Variants in IQGAP2 observed in about 807,000 individuals in gnomAD.
IQGAP2 encodes ras GTPase-activating-like protein IQGAP2.
IQGAP2 carries 173 observed loss-of-function variants against 201.3 expected under a neutral mutation model. The observed-to-expected ratio is 0.86, with a 90% CI of 0.76 to 0.98. The LOEUF is 0.98. Ranked by LOEUF, IQGAP2 falls within the 50% of genes least tolerant of loss-of-function variation. The pLI, the probability that IQGAP2 is intolerant of heterozygous loss-of-function variation, is 0.00. For missense variants in IQGAP2, 1,687 were observed against 1,864.8 expected (o/e 0.90, Z 1.76); for synonymous variants, 675 against 673.9 (o/e 1.00, Z -0.03).
intron 3 of IQGAP2, among the ~76,000 whole-genome samples, chr5:76,566,066 C>A (rs759404339): frequency 6.6e-6 from 1 of 151,944 alleles, no homozygotes; most frequent in South Asian, 2.1e-4. Flanking sequence ...AGGTATGCCA[C>A]GATAGAAATA....
chr5:76,625,364 C>T (rs953945016), intron 13 of IQGAP2, among the ~76,000 whole-genome samples: 5 of 152,124 alleles, frequency 3.3e-5, no homozygotes, highest in Admixed American at 6.5e-5. Flanking sequence ...ACTCATAGAG[C>T]TTAGTTTTTA....
At chr5:76,433,019 CA>C (rs1443073058) in intron 1 of IQGAP2, among the ~76,000 whole-genome samples, 1 of 152,130 alleles carries the variant, frequency 6.6e-6, no homozygotes, top group African/African-American at 2.4e-5. Flanking sequence ...GTACTCAAAA[CA>C]GTCTAATTGC....
chr5:76,552,522 GCT>G (rs1182684480), intron 2 of IQGAP2, among the ~76,000 whole-genome samples: 1 of 152,148 alleles, frequency 6.6e-6, no homozygotes, highest in African/African-American at 2.4e-5. Flanking sequence ...AGCACAACAG[GCT>G]TTCAACACTT....
chr5:76,613,562 G>A lies in IQGAP2; in HGVS notation c.1521+2379G>A, dbSNP rs547822969. Among the ~76,000 whole-genome samples the A allele has an allele frequency of 5.9e-5, 9 of 152,260 alleles. No individual in the cohort carries two copies. The East Asian group carries it at 9.7e-4, about 16-fold the overall frequency. On this transcript the variant is annotated intron_variant, in intron 13 of 35. Transcript: ENST00000274364. ...TATAGGTACTATTAATGAAGAATAT[G>A]TGCACGTGTTTGTGTAGCTATAGCA... is the stretch of plus-strand genomic sequence containing the variant.
chr5:76,458,059 C>T (rs1754209145), intron 1 of IQGAP2, among the ~76,000 whole-genome samples: 2 of 152,188 alleles, frequency 1.3e-5, no homozygotes, highest in African/African-American at 4.8e-5. Flanking sequence ...TTGGCAGTGA[C>T]AAGTCCCTTC....
At chr5:76,455,688 T>TA (rs1754043448) in intron 1 of IQGAP2, among the ~76,000 whole-genome samples, 1 of 152,166 alleles carries the variant, frequency 6.6e-6, no homozygotes, top group Admixed American at 6.5e-5. Flanking sequence ...ACAAGCTTCT[T>TA]AACTATTCCA....
chr5:76,525,607 T>C (rs1205432811), intron 2 of IQGAP2, among the ~76,000 whole-genome samples: 1 of 152,170 alleles, frequency 6.6e-6, no homozygotes, highest in Non-Finnish European at 1.5e-5. Flanking sequence ...AGCCAGTAGT[T>C]CTCATATTTT....
chr5:76,588,435 ACT>A (rs1746398296), intron 5 of IQGAP2, among the ~76,000 whole-genome samples: 1 of 152,140 alleles, frequency 6.6e-6, no homozygotes, highest in Non-Finnish European at 1.5e-5. Flanking sequence ...TAGTCTTGCC[ACT>A]CTATTTATTG....
intron 11 of IQGAP2, among the ~76,000 whole-genome samples, chr5:76,605,916 G>A (rs773283036): frequency 6.6e-6 from 1 of 152,170 alleles, no homozygotes; most frequent in African/African-American, 2.4e-5. Context: ...AAAGTTTCCA[G>A]TTTTGCTTGA....
rs71604297 is a variant in IQGAP2, at chr5:76,610,050, T to TTCTCTCTCTCTCTCTCTCTC, written c.1358-962_1358-943dup. On this transcript the variant is annotated intron_variant, in intron 12 of 35. Transcript: ENST00000274364. Reference sequence around the variant, plus strand: ...CCCTATAGTCAGTCTTGTTCTCTCTTTCTCTCTCTCTCTCTCTCTCTCTCT... The same window carrying TTCTCTCTCTCTCTCTCTCTC: ...CCCTATAGTCAGTCTTGTTCTCTCTTTCTCTCTCTCTCTCTCTCTCTCTCTCTCTCTCTCTCTCTCTCTCT... Among the ~76,000 whole-genome samples the TTCTCTCTCTCTCTCTCTCTC allele has an allele frequency of 4.2e-3, 80 of 19,054 alleles. 14 individuals carry two copies. Among genetic ancestry groups the TTCTCTCTCTCTCTCTCTCTC allele is most frequent in the Admixed American group, 0.012 (11 of 906 alleles). 12.5% of individuals were successfully genotyped at this position (19,054 alleles called of 152,430 possible). A position where few individuals can be genotyped will look rare whatever the true frequency, so the allele number is the denominator to read the frequency against.
chr5:76,445,919 C>T lies in IQGAP2; in HGVS notation c.47-15651C>T, dbSNP rs146982678. On this transcript the variant is annotated intron_variant, in intron 1 of 35. Coordinates refer to ENST00000274364, the MANE Select transcript of IQGAP2 (RefSeq NM_006633.5). ...ATGAATTTGACTACTCTTGGTACCT[C>T]ATATAGGTGGACTCATACAGTGTTT... is the stretch of plus-strand genomic sequence containing the variant. Among the ~76,000 whole-genome samples, 6 of 152,340 alleles carry T rather than the reference C, an allele frequency of 3.9e-5. No individual in the cohort carries two copies. The East Asian group carries it at 1.2e-3, about 29-fold the overall frequency.
chr5:76,440,055 AACTC>A (rs1752943128), intron 1 of IQGAP2, among the ~76,000 whole-genome samples: 1 of 152,174 alleles, frequency 6.6e-6, no homozygotes, highest in Non-Finnish European at 1.5e-5. Flanking sequence ...GGTTGTGACA[AACTC>A]ACTCAGCATT....
intron 13 of IQGAP2, chr5:76,623,457 G>A (rs956691801): frequency 9.3e-6 from 5 of 536,716 alleles, no homozygotes; most frequent in South Asian, 5.4e-5. Context: ...GCCTCTGAAC[G>A]TGTTACGTTA....
At chr5:76,673,754 G>T in intron 25 of IQGAP2, 165 bp downstream of exon 25, 1 of 773,432 alleles carries the variant, frequency 1.3e-6, no homozygotes, top group Non-Finnish European at 2.1e-6. Flanking sequence ...GTTCTCTAAA[G>T]AAGGGGCAAT....
intron 1 of IQGAP2, among the ~76,000 whole-genome samples, chr5:76,428,604 A>T (rs569870271): frequency 6.7e-6 from 1 of 150,374 alleles, no homozygotes; most frequent in African/African-American, 2.5e-5. Flanking sequence ...CTAATTTTGC[A>T]TTTTTTTTAG....
intron 1 of IQGAP2, among the ~76,000 whole-genome samples, chr5:76,455,044 TATTCAG>T (rs1753993955): frequency 6.6e-6 from 1 of 152,260 alleles, no homozygotes; most frequent in Non-Finnish European, 1.5e-5. Flanking sequence ...TAGATATTCT[TATTCAG>T]ATTTACACAG....
intron 1 of IQGAP2, among the ~76,000 whole-genome samples, chr5:76,414,647 T>A (rs4501324): frequency 6.6e-6 from 1 of 152,046 alleles, no homozygotes; most frequent in African/African-American, 2.4e-5. Flanking sequence ...TAGCAAGACC[T>A]TGTTTCTACA....
At chr5:76,489,324 C>T (rs558999228) in intron 2 of IQGAP2, among the ~76,000 whole-genome samples, 10 of 152,256 alleles carry the variant, frequency 6.6e-5, no homozygotes, top group African/African-American at 2.4e-4. Flanking sequence ...GAGCTGACAC[C>T]TTTGTTTTCT....
chr5:76,585,854 AC>A (rs1746210740), intron 5 of IQGAP2, among the ~76,000 whole-genome samples: 1 of 150,164 alleles, frequency 6.7e-6, no homozygotes, highest in African/African-American at 2.5e-5. Flanking sequence ...ATCTCCATTC[AC>A]CCCCCAAATT....
Sources: gnomAD v4.1 joint callset for allele counts (sites outside exome capture counted in the v4.1 genomes callset) on GRCh38, gnomAD v4.1.1 for gene constraint, MANE v1.5 for transcripts, NCBI Gene and HGNC (gene_info 2026-07-23, HGNC 2026-07-21) for gene names.